Variants in TTC6 observed in about 807,000 individuals in gnomAD.
TTC6 encodes tetratricopeptide repeat domain 6, also known as tetratricopeptide repeat protein 6.
A neutral mutation model predicts 210.4 loss-of-function variants in TTC6; 172 were observed. The ratio of observed to expected loss-of-function variants is 0.82; its 90% CI spans 0.72 to 0.93. TTC6 has a LOEUF of 0.93. Ranked by LOEUF, TTC6 falls within the 40% of genes least tolerant of loss-of-function variation. TTC6 has a pLI of 0.00. For synonymous variants in TTC6, 804 were observed against 819.6 expected, an observed-to-expected ratio of 0.98 and a Z score of 0.32; for missense variants, 2,414 against 2,318.1, an observed-to-expected ratio of 1.04 and a Z score of -0.85.
chr14:37,795,307 G>A (rs1271537961), exon 18 of TTC6: 6 of 1,532,074 alleles, frequency 3.9e-6, no homozygotes, highest in South Asian at 1.2e-5. Context: ...GAATTGTCTC[G>A]TGCTATCCAC....
chr14:37,729,168 A>T (rs1885712), intron 7 of TTC6, among the ~76,000 whole-genome samples: 1 of 152,270 alleles, frequency 6.6e-6, no homozygotes, highest in Admixed American at 6.5e-5. Context: ...AGAAGATTAT[A>T]ATATATATTT....
At chr14:37,796,816 G>A (rs1171725410) in exon 20 of TTC6, 6 of 1,607,064 alleles carry the variant, frequency 3.7e-6, no homozygotes, top group Non-Finnish European at 5.1e-6. Flanking sequence ...TATGCAGCAA[G>A]CCCTTATTTA....
chr14:37,726,772 C>A lies in TTC6; in HGVS notation c.1818+1770C>A, dbSNP rs932776282. ...AAATTTTTTCTTTTCTAATTCTTAGCTTATTCATATTTACTATTTTTCTTG... is the reference window on the plus strand; with the variant it reads ...AAATTTTTTCTTTTCTAATTCTTAGATTATTCATATTTACTATTTTTCTTG... On this transcript the variant is annotated intron_variant, in intron 7 of 30. Coordinates refer to ENST00000553443, the Ensembl canonical transcript of TTC6. 2.0e-5 allele frequency among the ~76,000 whole-genome samples: 3 copies of A among 151,960 alleles called. No homozygotes were observed. In the South Asian group the frequency reaches 6.2e-4, roughly 32 times the overall value.
intron 20 of TTC6, among the ~76,000 whole-genome samples, chr14:37,804,056 C>G (rs1409072972): frequency 6.6e-6 from 1 of 152,120 alleles, no homozygotes; most frequent in Non-Finnish European, 1.5e-5. Flanking sequence ...TTGACTTTTT[C>G]ATTTAATGAG....
chr14:37,659,016 G>C (rs1396762190), intron 1 of TTC6, among the ~76,000 whole-genome samples: 1 of 152,090 alleles, frequency 6.6e-6, no homozygotes, highest in Non-Finnish European at 1.5e-5. Flanking sequence ...ACTTACAAGT[G>C]AGAATATGTG....
intron 2 of TTC6, among the ~76,000 whole-genome samples, chr14:37,610,018 A>G (rs1238677365): frequency 6.6e-6 from 1 of 152,162 alleles, no homozygotes; most frequent in Non-Finnish European, 1.5e-5. Context: ...AACACATTGT[A>G]TTAGGGAGTG....
intron 1 of TTC6, among the ~76,000 whole-genome samples, chr14:37,643,270 T>C (rs528456826): frequency 6.6e-6 from 1 of 152,180 alleles, no homozygotes; most frequent in African/African-American, 2.4e-5. Context: ...ATTGCACCAT[T>C]GCACTCCAGC....
At chr14:37,805,647 T>G (rs2096116837) in intron 21 of TTC6, among the ~76,000 whole-genome samples, 1 of 152,226 alleles carries the variant, frequency 6.6e-6, no homozygotes, top group Non-Finnish European at 1.5e-5. Flanking sequence ...AGCTTTGCTT[T>G]AAAATGCGGG....
At chr14:37,709,123 G>A (rs951862663) in intron 5 of TTC6, among the ~76,000 whole-genome samples, 5 of 151,956 alleles carry the variant, frequency 3.3e-5, no homozygotes, top group African/African-American at 1.2e-4. Context: ...TCAATGATCA[G>A]GTCTAATCCT....
chr14:37,834,579 A>G (rs1339684071), intron 29 of TTC6, among the ~76,000 whole-genome samples: 2 of 151,996 alleles, frequency 1.3e-5, no homozygotes, highest in Non-Finnish European at 2.9e-5. Context: ...CTAAATCATG[A>G]AGTTTTTTTT....
intron 1 of TTC6, among the ~76,000 whole-genome samples, chr14:37,604,974 C>T (rs139782492): frequency 4.3e-4 from 66 of 152,292 alleles, no homozygotes; most frequent in African/African-American, 1.5e-3. Context: ...AAAGTTTCTT[C>T]CTGGGAGTTG....
chr14:37,779,423 C>T (rs2096047973), intron 14 of TTC6, among the ~76,000 whole-genome samples: 1 of 151,956 alleles, frequency 6.6e-6, no homozygotes, highest in Non-Finnish European at 1.5e-5. Context: ...CCATTATATA[C>T]TTTTAGGTGG....
At chr14:37,751,484 G>C (rs1413668769) in intron 13 of TTC6, among the ~76,000 whole-genome samples, 1 of 152,124 alleles carries the variant, frequency 6.6e-6, no homozygotes, top group Non-Finnish European at 1.5e-5. Flanking sequence ...AGGGGGCCCA[G>C]CTTTTCCAGC....
intron 1 of TTC6, among the ~76,000 whole-genome samples, chr14:37,623,959 C>T (rs1161445170): frequency 6.6e-6 from 1 of 152,196 alleles, no homozygotes; most frequent in Non-Finnish European, 1.5e-5. Context: ...ATATGAGACA[C>T]GGTCTTTTTT....
At chr14:37,704,682 T>C (rs573226013) in intron 5 of TTC6, among the ~76,000 whole-genome samples, 216 of 152,092 alleles carry the variant, frequency 1.4e-3, no homozygotes, top group Middle Eastern at 3.4e-3. Flanking sequence ...TGCTTTTCAG[T>C]TTTGTTTATG....
intron 29 of TTC6, among the ~76,000 whole-genome samples, chr14:37,832,185 T>C (rs2139021111): frequency 6.6e-6 from 1 of 152,128 alleles, no homozygotes; most frequent in African/African-American, 2.4e-5. Context: ...TTTTGTTTAT[T>C]TGGGTCTTTT....
chr14:37,625,078 C>T (rs1221381123), intron 1 of TTC6, among the ~76,000 whole-genome samples: 1 of 152,112 alleles, frequency 6.6e-6, no homozygotes, highest in Non-Finnish European at 1.5e-5. Flanking sequence ...TGAGTGCAGC[C>T]TGGATTTCGT....
intron 1 of TTC6, among the ~76,000 whole-genome samples, chr14:37,604,459 C>T (rs2095621459): frequency 6.6e-6 from 1 of 152,124 alleles, no homozygotes; most frequent in African/African-American, 2.4e-5. Flanking sequence ...CCTTCCTCCC[C>T]CTAGGCGAGA....
At chr14:37,699,669 G>A (rs954884787) in intron 4 of TTC6, among the ~76,000 whole-genome samples, 1 of 152,176 alleles carries the variant, frequency 6.6e-6, no homozygotes, top group Non-Finnish European at 1.5e-5. Flanking sequence ...GTGATGAAGG[G>A]TATGCTGGCA....
Sources: gnomAD v4.1 joint callset for allele counts (sites outside exome capture counted in the v4.1 genomes callset) on GRCh38, gnomAD v4.1.1 for gene constraint, MANE v1.5 for transcripts, NCBI Gene and HGNC (gene_info 2026-07-23, HGNC 2026-07-21) for gene names.